The following MED27 variants were observed in gnomAD, a reference collection of about 807,000 sequenced individuals.
MED27 encodes the protein mediator of RNA polymerase II transcription subunit 27.
In MED27, 30 loss-of-function variants were observed where a neutral mutation model predicts 38.2. The ratio of observed to expected loss-of-function variants is 0.79; its 90% CI spans 0.59 to 1.07. MED27 has a LOEUF of 1.07. Among genes scored for constraint, MED27 ranks in the 50% least tolerant of loss-of-function variants. The pLI is 0.00. For synonymous variants in MED27, 122 were observed against 153.5 expected, an observed-to-expected ratio of 0.79 and a Z score of 1.52; for missense variants, 289 against 397.5, an observed-to-expected ratio of 0.73 and a Z score of 2.32.
At chr9:131,946,004 T>C (rs1457599543) in intron 3 of MED27, among the ~76,000 whole-genome samples, 4 of 151,924 alleles carry the variant, frequency 2.6e-5, no homozygotes, top group African/African-American at 9.7e-5. Flanking sequence ...GTGCAATATT[T>C]GTCTTTCTGT....
At chr9:131,930,032 C>CAGAGAGAG (rs112511169) in intron 4 of MED27, among the ~76,000 whole-genome samples, 3,074 of 151,186 alleles carry the variant, frequency 0.02, 108 homozygotes, top group African/African-American at 0.069. Context: ...TGGCTTAGCA[C>CAGAGAGAG]AGAGAGAGAG....
chr9:132,043,132 G>A (rs1833256103), intron 2 of MED27, among the ~76,000 whole-genome samples: 1 of 152,058 alleles, frequency 6.6e-6, no homozygotes, highest in Non-Finnish European at 1.5e-5. Context: ...TATATAGGGT[G>A]AGGGTCAAAA....
chr9:131,935,330 T>C (rs1830662848), intron 4 of MED27, among the ~76,000 whole-genome samples: 1 of 152,242 alleles, frequency 6.6e-6, no homozygotes, highest in Non-Finnish European at 1.5e-5. Context: ...GTGTCTCATA[T>C]ACCCCATAAA....
intron 2 of MED27, among the ~76,000 whole-genome samples, chr9:132,041,554 C>A (rs1053757200): frequency 1.3e-5 from 2 of 152,352 alleles, no homozygotes; most frequent in South Asian, 4.1e-4. Flanking sequence ...ATCTTCCTGT[C>A]GGGCACTGCA....
intron 3 of MED27, among the ~76,000 whole-genome samples, chr9:131,978,162 A>C (rs545911017): frequency 6.6e-6 from 1 of 152,346 alleles, no homozygotes; most frequent in South Asian, 2.1e-4. Flanking sequence ...GACCAAGCAC[A>C]GACACATGTT....
chr9:131,903,684 C>G (rs1022319945), intron 4 of MED27, among the ~76,000 whole-genome samples: 1 of 152,144 alleles, frequency 6.6e-6, no homozygotes, highest in African/African-American at 2.4e-5. Flanking sequence ...GGACACTGCA[C>G]TCAGTAGGCA....
intron 5 of MED27, among the ~76,000 whole-genome samples, chr9:131,885,755 T>C (rs1056901779): frequency 5.9e-5 from 9 of 152,158 alleles, no homozygotes; most frequent in Non-Finnish European, 2.9e-5. Flanking sequence ...TTAGAACAAA[T>C]TAAGTATGGC....
intron 3 of MED27, among the ~76,000 whole-genome samples, chr9:132,013,182 C>A (rs1832519663): frequency 6.6e-6 from 1 of 152,134 alleles, no homozygotes; most frequent in Admixed American, 6.5e-5. Context: ...GCTTCTAATA[C>A]AAAAGAACCC....
At chr9:132,039,019 A>C (rs1589282020) in intron 2 of MED27, among the ~76,000 whole-genome samples, 2 of 152,226 alleles carry the variant, frequency 1.3e-5, no homozygotes, top group East Asian at 3.8e-4. Context: ...ACCTGGTTTC[A>C]TTATGGCTTC....
intron 2 of MED27, among the ~76,000 whole-genome samples, chr9:132,046,191 G>A (rs574431384): frequency 6.6e-6 from 1 of 152,272 alleles, no homozygotes; most frequent in Admixed American, 6.5e-5. Context: ...TAAATATACA[G>A]GCAAAAGTTC....
chr9:131,968,180 A>T (rs753783962), intron 3 of MED27, among the ~76,000 whole-genome samples: 5 of 152,096 alleles, frequency 3.3e-5, no homozygotes, highest in Admixed American at 6.5e-5. Flanking sequence ...TTATGCTTAT[A>T]AGAATGTTGA....
chr9:131,886,382 T>C (rs1382839626), intron 5 of MED27, among the ~76,000 whole-genome samples: 1 of 152,156 alleles, frequency 6.6e-6, no homozygotes. Flanking sequence ...CTTTCACTGA[T>C]CAAGCATTCA....
At chr9:131,900,348 C>A (rs1032662276) in intron 4 of MED27, among the ~76,000 whole-genome samples, 7 of 152,218 alleles carry the variant, frequency 4.6e-5, no homozygotes, top group African/African-American at 2.4e-5. Flanking sequence ...TTCTAATCCA[C>A]TGTGGCAAGG....
chr9:132,045,463 C>G (rs1252500048), intron 2 of MED27, among the ~76,000 whole-genome samples: 1 of 150,210 alleles, frequency 6.7e-6, no homozygotes, highest in East Asian at 2.0e-4. Context: ...CAGACACACA[C>G]CTTTTACATG....
chr9:131,915,470 A>G (rs1830271904), intron 4 of MED27, among the ~76,000 whole-genome samples: 1 of 152,190 alleles, frequency 6.6e-6, no homozygotes, highest in Non-Finnish European at 1.5e-5. Context: ...GTAACTCAAG[A>G]TGGGGAGGGG....
chr9:131,914,113 G>C (rs1442744088), intron 4 of MED27, among the ~76,000 whole-genome samples: 1 of 152,222 alleles, frequency 6.6e-6, no homozygotes, highest in Admixed American at 6.5e-5. Context: ...GCAGAGGGCA[G>C]GGACCTGACA....
At position 131,949,840 on chromosome 9, in the gene MED27, C is replaced by A. The variant is rs73658159; in HGVS notation, c.480-10366G>T. On this transcript the variant is annotated intron_variant, in intron 3 of 7. Transcript: ENST00000292035. ...AGAGAAACAGGACAACCAGGTTAAA[C>A]GTCCTGAAGTTCTCCTGCTGGGTTT... Among the ~76,000 whole-genome samples the A allele has an allele frequency of 3.8e-3, 583 of 152,272 alleles. 6 individuals are homozygous for A. The highest frequency in any genetic ancestry group is 0.013 in the African/African-American group (556 of 41,528).
At chr9:132,025,518 A>G (rs937670687) in intron 2 of MED27, among the ~76,000 whole-genome samples, 3 of 152,242 alleles carry the variant, frequency 2.0e-5, no homozygotes, top group Admixed American at 6.5e-5. Flanking sequence ...AGAGCTAGGC[A>G]GAGAAAGAGT....
intron 3 of MED27, among the ~76,000 whole-genome samples, chr9:131,945,825 G>A (rs988368738): frequency 1.2e-4 from 18 of 151,184 alleles, no homozygotes; most frequent in South Asian, 2.1e-4. Context: ...AAAGTTAGCC[G>A]GGTGTGGTGG....
Sources: allele counts gnomAD v4.1 joint callset (sites outside exome capture counted in the v4.1 genomes callset), GRCh38; gene constraint gnomAD v4.1.1; transcripts MANE v1.5; gene names NCBI Gene and HGNC (gene_info 2026-07-23, HGNC 2026-07-21).